TRAPPC9: variants seen among roughly 807,000 people sequenced by gnomAD.
TRAPPC9 encodes the protein trafficking protein particle complex subunit 9.
In TRAPPC9, 83 loss-of-function variants were observed where a neutral mutation model predicts 124.0. The observed-to-expected ratio is 0.67, with a 90% CI of 0.56 to 0.80. The LOEUF is 0.80. TRAPPC9 is among the 30% of genes least tolerant of loss of function. The pLI, the probability that TRAPPC9 is intolerant of heterozygous loss-of-function variation, is 0.00. For missense variants in TRAPPC9, 1,302 were observed against 1,508.3 expected (o/e 0.86, Z 2.27); for synonymous variants, 638 against 617.5 (o/e 1.03, Z -0.49).
At chr8:139,840,642 G>A (rs1181766722) in intron 21 of TRAPPC9, among the ~76,000 whole-genome samples, 5 of 152,154 alleles carry the variant, frequency 3.3e-5, no homozygotes, top group African/African-American at 1.2e-4. Flanking sequence ...CTGGACAGTC[G>A]GGCCAGGAGG....
intron 2 of TRAPPC9, among the ~76,000 whole-genome samples, chr8:140,448,806 A>G (rs11166980): frequency 0.56 from 84,481 of 152,106 alleles, 23,641 homozygotes; most frequent in Non-Finnish European, 0.57. Context: ...AGAAGGCAAC[A>G]AGGTGAGGTA....
At chr8:139,846,305 C>T (rs1586974596) in intron 21 of TRAPPC9, among the ~76,000 whole-genome samples, 1 of 152,182 alleles carries the variant, frequency 6.6e-6, no homozygotes, top group Non-Finnish European at 1.5e-5. Flanking sequence ...CACCCCCCAC[C>T]CCCCGCAGCA....
intron 17 of TRAPPC9, among the ~76,000 whole-genome samples, chr8:140,033,906 T>G (rs909162567): frequency 1.3e-5 from 2 of 152,086 alleles, no homozygotes; most frequent in Non-Finnish European, 2.9e-5. Flanking sequence ...GGTCTTGAAC[T>G]CCCGACCTCA....
rs1413407815 is a variant in TRAPPC9, at chr8:140,300,623, T to C, written c.1623-9A>G. 1 of 1,614,216 alleles carries C rather than the reference T, an allele frequency of 6.2e-7. No homozygotes were observed. The highest frequency in any genetic ancestry group is 8.5e-7 in the Non-Finnish European group (1 of 1,180,038). On this transcript the variant is annotated splice_polypyrimidine_tract_variant and intron_variant, in intron 10 of 22. Coordinates refer to ENST00000438773, the MANE Select transcript of TRAPPC9 (RefSeq NM_001160372.4). ...TCAATAGTTTCACATGCCTGTTGTT[T>C]CAAACAGAACACAAATACTTCAACT...
rs544126770 is a variant in TRAPPC9 at position 140,012,708 on chromosome 8, G to T, written c.2699+11229C>A. On this transcript the variant is annotated intron_variant, in intron 18 of 22. Coordinates refer to ENST00000438773, the MANE Select transcript of TRAPPC9 (RefSeq NM_001160372.4). ...TGCAGCCACGAACAACACCAAGCTC[G>T]TTCTTTCTTCTCACTCTGCCTGAGT... Among the ~76,000 whole-genome samples the T allele has an allele frequency of 2.6e-5, 4 of 152,232 alleles. No homozygotes were observed. In the South Asian group the frequency reaches 8.3e-4, roughly 32 times the overall value.
intron 21 of TRAPPC9, among the ~76,000 whole-genome samples, chr8:139,747,926 T>A (rs1385903283): frequency 2.0e-5 from 1 of 50,546 alleles, no homozygotes; most frequent in Non-Finnish European, 3.5e-5. Flanking sequence ...GGGGTCAGAG[T>A]GGGTGTGAGG....
intron 21 of TRAPPC9, among the ~76,000 whole-genome samples, chr8:139,860,469 C>G (rs907599821): frequency 3.9e-5 from 6 of 152,208 alleles, no homozygotes; most frequent in African/African-American, 1.4e-4. Context: ...ATAGTCACCC[C>G]CAATGCCAGG....
At chr8:140,111,858 C>T (rs565523964) in intron 17 of TRAPPC9, among the ~76,000 whole-genome samples, 2 of 152,348 alleles carry the variant, frequency 1.3e-5, no homozygotes, top group South Asian at 4.1e-4. Context: ...ATATTTATGG[C>T]TTTTGAGTGA....
chr8:139,945,543 CAAAAAAAAAAAAAAAA>C (rs61528944), intron 19 of TRAPPC9, among the ~76,000 whole-genome samples: 16 of 66,168 alleles, frequency 2.4e-4, no homozygotes, highest in African/African-American at 6.2e-4. Flanking sequence ...GCACAATTAG[CAAAAAAAAAAAAAAAA>C]AAAAAAAAAA....
At chr8:139,979,564 G>A (rs1349036845) in intron 19 of TRAPPC9, among the ~76,000 whole-genome samples, 1 of 152,190 alleles carries the variant, frequency 6.6e-6, no homozygotes, top group Non-Finnish European at 1.5e-5. Context: ...GATGCTGGCG[G>A]GTGAGAGGAG....
Position 140,405,514 on chromosome 8 carries a change from A to C in TRAPPC9, c.1008+63T>G. On this transcript the variant is annotated intron_variant, in intron 6 of 22. Coordinates refer to ENST00000438773, the MANE Select transcript of TRAPPC9 (RefSeq NM_001160372.4). ...AGACACTGCAGCATTACACAATGTA[A>C]AATGGAAACTTCTGATTAAACAACA... 5 of 1,579,448 alleles carry C rather than the reference A, an allele frequency of 3.2e-6. No homozygotes were observed. In the South Asian group the frequency reaches 5.6e-5, roughly 18 times the overall value.
intron 19 of TRAPPC9, among the ~76,000 whole-genome samples, chr8:139,946,244 C>G (rs775030767): frequency 5.9e-5 from 9 of 152,194 alleles, no homozygotes; most frequent in Non-Finnish European, 1.0e-4. Flanking sequence ...CCAGGCAAAC[C>G]TGATCTTTAT....
chr8:140,078,877 TGGATGG>T (rs1199011084), intron 17 of TRAPPC9, among the ~76,000 whole-genome samples: 8 of 152,178 alleles, frequency 5.3e-5, no homozygotes, highest in African/African-American at 1.7e-4. Flanking sequence ...TTCCTAAAGC[TGGATGG>T]ATCCTATCAT....
chr8:139,918,493 G>A (rs1032931061), intron 19 of TRAPPC9, among the ~76,000 whole-genome samples: 1 of 152,224 alleles, frequency 6.6e-6, no homozygotes, highest in Non-Finnish European at 1.5e-5. Context: ...GAAATTACCC[G>A]CCAGTCACCA....
chr8:139,738,864 C>G (rs902583895), intron 21 of TRAPPC9, among the ~76,000 whole-genome samples: 1 of 152,140 alleles, frequency 6.6e-6, no homozygotes, highest in Non-Finnish European at 1.5e-5. Context: ...GGGTGCACAG[C>G]TCTCTGAGCC....
At chr8:140,205,531 C>G (rs1020755070) in intron 17 of TRAPPC9, among the ~76,000 whole-genome samples, 1 of 152,324 alleles carries the variant, frequency 6.6e-6, no homozygotes, top group Admixed American at 6.5e-5. Context: ...CAGAAATTCT[C>G]AGAAGACTGC....
intron 17 of TRAPPC9, among the ~76,000 whole-genome samples, chr8:140,176,524 T>C (rs2062075226): frequency 6.6e-6 from 1 of 152,228 alleles, no homozygotes; most frequent in African/African-American, 2.4e-5. Context: ...CCACGTGGTA[T>C]TGCACTGCAT....
At chr8:140,330,150 C>T (rs936138764) in intron 9 of TRAPPC9, among the ~76,000 whole-genome samples, 17 of 152,008 alleles carry the variant, frequency 1.1e-4, no homozygotes, top group Admixed American at 7.2e-4. Flanking sequence ...ACTTTGCCAC[C>T]GAGATTGCCC....
intron 17 of TRAPPC9, among the ~76,000 whole-genome samples, chr8:140,185,469 TA>T: frequency 6.6e-6 from 1 of 152,344 alleles, no homozygotes; most frequent in Non-Finnish European, 1.5e-5. Context: ...AATTCAGGCC[TA>T]ACAGGGCAGC....
Sources: gnomAD v4.1 joint callset for allele counts (sites outside exome capture counted in the v4.1 genomes callset) on GRCh38, gnomAD v4.1.1 for gene constraint, MANE v1.5 for transcripts, NCBI Gene and HGNC (gene_info 2026-07-23, HGNC 2026-07-21) for gene names.